Variants in SH3D19 observed in about 807,000 individuals in gnomAD.
The protein encoded by SH3D19 is SH3 domain containing 19, also known as SH3 domain-containing protein 19.
In SH3D19, 58 loss-of-function variants were observed where a neutral mutation model predicts 112.1. The observed-to-expected ratio is 0.52, with a 90% confidence interval of 0.42 to 0.64. SH3D19 has a LOEUF of 0.64. Ranked by LOEUF, SH3D19 falls within the 30% of genes least tolerant of loss-of-function variation. The pLI, the probability that SH3D19 is intolerant of heterozygous loss-of-function variation, is 0.00. For missense variants in SH3D19, 1,090 were observed against 1,263.4 expected (o/e 0.86, Z 2.08); for synonymous variants, 391 against 448.5 (o/e 0.87, Z 1.62).
At chr4:151,166,824 C>T (rs186774644) in intron 7 of SH3D19, among the ~76,000 whole-genome samples, 1 of 152,256 alleles carries the variant, frequency 6.6e-6, no homozygotes, top group East Asian at 1.9e-4. Flanking sequence ...AGAATAAAAG[C>T]CCTTTTGGCA....
intron 1 of SH3D19, among the ~76,000 whole-genome samples, chr4:151,322,018 G>A (rs915753001): frequency 1.3e-5 from 2 of 152,152 alleles, no homozygotes; most frequent in Admixed American, 1.3e-4. Context: ...ACCATCAACA[G>A]TAAATATTTC....
At chr4:151,160,668 C>CT (rs1266031719) in intron 8 of SH3D19, among the ~76,000 whole-genome samples, 1 of 128,760 alleles carries the variant, frequency 7.8e-6, no homozygotes, top group Non-Finnish European at 1.7e-5. Context: ...GATGAGCACT[C>CT]TGTCTCTTTC....
chr4:151,185,813 A>G (rs1262435714), intron 3 of SH3D19, among the ~76,000 whole-genome samples: 2 of 152,224 alleles, frequency 1.3e-5, no homozygotes, highest in Non-Finnish European at 2.9e-5. Flanking sequence ...TGGGAGACCA[A>G]GGCGGGCAAA....
At chr4:151,220,476 T>A (rs1162134460) in intron 2 of SH3D19, among the ~76,000 whole-genome samples, 2 of 152,182 alleles carry the variant, frequency 1.3e-5, no homozygotes, top group African/African-American at 2.4e-5. Flanking sequence ...TTGAGATGAA[T>A]TAGCTGGTAG....
At chr4:151,230,222 C>T (rs1769504768) in intron 1 of SH3D19, among the ~76,000 whole-genome samples, 1 of 152,190 alleles carries the variant, frequency 6.6e-6, no homozygotes, top group South Asian at 2.1e-4. Context: ...TGTTCTGGCA[C>T]AGACAGTTTT....
At chr4:151,209,357 C>A (rs1323532695) in intron 2 of SH3D19, among the ~76,000 whole-genome samples, 1 of 151,862 alleles carries the variant, frequency 6.6e-6, no homozygotes, top group Non-Finnish European at 1.5e-5. Flanking sequence ...TGGCTCACTG[C>A]AACTTCTGCC....
intron 2 of SH3D19, among the ~76,000 whole-genome samples, chr4:151,219,482 T>C (rs114606187): frequency 0.01 from 1,577 of 152,312 alleles, 20 homozygotes; most frequent in African/African-American, 0.034. Flanking sequence ...TCCTTACAGT[T>C]GTACCAAATT....
intron 1 of SH3D19, among the ~76,000 whole-genome samples, chr4:151,255,853 C>T (rs1450569723): frequency 2.0e-5 from 3 of 152,242 alleles, no homozygotes; most frequent in African/African-American, 4.8e-5. Context: ...AGCGAAACAC[C>T]GTCTCCACCA....
intron 2 of SH3D19, among the ~76,000 whole-genome samples, chr4:151,219,398 C>T (rs755772902): frequency 1.3e-5 from 2 of 152,092 alleles, no homozygotes; most frequent in Non-Finnish European, 2.9e-5. Context: ...GAGTTGAGCC[C>T]GACCTAACTC....
At chr4:151,237,237 G>T (rs570306385) in intron 1 of SH3D19, among the ~76,000 whole-genome samples, 5 of 152,198 alleles carry the variant, frequency 3.3e-5, no homozygotes, top group African/African-American at 1.2e-4. Flanking sequence ...CTTCATTCTT[G>T]AAGTCAGCAA....
intron 1 of SH3D19, among the ~76,000 whole-genome samples, chr4:151,248,635 C>G (rs1420843256): frequency 6.6e-6 from 1 of 152,136 alleles, no homozygotes; most frequent in Non-Finnish European, 1.5e-5. Context: ...TTGAGAAATT[C>G]TTCCACTGAT....
chr4:151,311,214 C>A (rs1374336590), intron 1 of SH3D19, among the ~76,000 whole-genome samples: 1 of 150,378 alleles, frequency 6.6e-6, no homozygotes, highest in Non-Finnish European at 1.5e-5. Flanking sequence ...CACAGTGAGA[C>A]TGCATCTCTA....
chr4:151,256,439 TAAC>T (rs1280442365), intron 1 of SH3D19, among the ~76,000 whole-genome samples: 7 of 152,216 alleles, frequency 4.6e-5, no homozygotes, highest in Admixed American at 4.6e-4. Flanking sequence ...TCAAGTTACA[TAAC>T]AATAAATATA....
At chr4:151,206,397 G>T (rs550517573) in intron 2 of SH3D19, among the ~76,000 whole-genome samples, 2 of 152,254 alleles carry the variant, frequency 1.3e-5, no homozygotes, top group East Asian at 3.9e-4. Flanking sequence ...CACTGGCATA[G>T]ATCTGATGTC....
intron 9 of SH3D19, among the ~76,000 whole-genome samples, chr4:151,154,525 C>T (rs1045665374): frequency 1.3e-5 from 2 of 151,842 alleles, no homozygotes; most frequent in African/African-American, 4.8e-5. Flanking sequence ...AGTGATCCAC[C>T]CGCCTTGGCC....
At chr4:151,290,453 A>C (rs1775210585) in intron 1 of SH3D19, among the ~76,000 whole-genome samples, 1 of 152,202 alleles carries the variant, frequency 6.6e-6, no homozygotes, top group South Asian at 2.1e-4. Flanking sequence ...CAGATATTAC[A>C]TGATTCCATT....
At chr4:151,161,051 G>C (rs562098557) in intron 8 of SH3D19, among the ~76,000 whole-genome samples, 89 of 152,296 alleles carry the variant, frequency 5.8e-4, no homozygotes, top group African/African-American at 1.9e-3. Context: ...AAAGTAGAAA[G>C]GAGATAGCTT....
rs983329378 is a variant in SH3D19, at chr4:151,311,785, A to T, written c.112+13456T>A. On this transcript the variant is annotated intron_variant, in intron 1 of 19. Coordinates refer to ENST00000604030, the MANE Select transcript of SH3D19 (RefSeq NM_001378122.1). ...AGCCCGGGAGGTCAAGGCTTCAGTG[A>T]GCCGTGATTGCACCACTGCATTATG... Among the ~76,000 whole-genome samples, 2 of 152,268 alleles carry T rather than the reference A, an allele frequency of 1.3e-5. 1 individual carries two copies. The highest frequency in any genetic ancestry group is 4.8e-5 in the African/African-American group (2 of 41,548).
chr4:151,290,977 A>C, intron 1 of SH3D19: 1 of 590,936 alleles, frequency 1.7e-6, no homozygotes, highest in South Asian at 2.4e-5. Flanking sequence ...TCCCTAAAGC[A>C]GTGATTAGTC....
Sources: gnomAD v4.1 joint callset for allele counts (sites outside exome capture counted in the v4.1 genomes callset) on GRCh38, gnomAD v4.1.1 for gene constraint, MANE v1.5 for transcripts, NCBI Gene and HGNC (gene_info 2026-07-23, HGNC 2026-07-21) for gene names.